Variants in PROSER1 observed in about 807,000 individuals in gnomAD.
The protein encoded by PROSER1 is proline and serine-rich protein 1.
Under a neutral mutation model 71.8 loss-of-function variants are expected in PROSER1, and 36 were observed. The observed-to-expected ratio is 0.50, with a 90% CI of 0.38 to 0.66. The LOEUF (loss-of-function observed/expected upper bound fraction) is 0.66, where lower values mean the gene tolerates loss of function less well. Ranked by LOEUF, PROSER1 falls within the 30% of genes least tolerant of loss-of-function variation. The pLI is 0.00. For missense variants in PROSER1, 1,107 were observed against 1,135.0 expected, an observed-to-expected ratio of 0.98 and a Z score of 0.35; for synonymous variants, 490 against 452.4, an observed-to-expected ratio of 1.08 and a Z score of -1.06.
At position 39,012,918 on chromosome 13, in the gene PROSER1, T is replaced by C. The variant is rs1250142030; in HGVS notation, c.2334A>G (p.Gln778=). ...AGGGATTTGAAGATGACAGAGGTCC[T>C]TGAGTAACAGAGAAAAGTGAGGGAA... ...TAVPSLFSVT[Q]GPLSSSNPSY... is the part of the protein sequence containing the mutation. The change falls in exon 11 of 13, where the codon CAA becomes CAG. Residue 778 remains glutamine (Q), a synonymous_variant. Transcript: ENST00000352251. The C allele has an allele frequency of 3.1e-6, 5 of 1,614,028 alleles. No homozygotes were observed. Among genetic ancestry groups the C allele is most frequent in the East Asian group, 4.5e-5 (2 of 44,862 alleles).
At chr13:39,034,278 T>G in intron 1 of PROSER1, 82 bp from the exon 2 acceptor site, 3 of 1,148,038 alleles carry the variant, frequency 2.6e-6, no homozygotes, top group Non-Finnish European at 3.6e-6. Flanking sequence ...CTATCAAAAC[T>G]GCCCAAGCAA....
At position 39,028,177 on chromosome 13, in the gene PROSER1, T is replaced by C. The variant is rs779797727; in HGVS notation, c.369+50A>G. The stretch of plus-strand genomic sequence containing the variant: ...AAGAAAGGTGCTTTTTCGTCTTCAA[T>C]ATTCGGAAAAACCAGCGTACCAAGT... On this transcript the variant is annotated intron_variant, in intron 5 of 12. Transcript: ENST00000352251. 15 of 994,482 alleles carry C rather than the reference T, an allele frequency of 1.5e-5. No homozygotes were observed. In the Admixed American group the frequency reaches 2.8e-4, roughly 19 times the overall value. 61.6% of individuals were successfully genotyped at this position (994,482 alleles called of 1,614,324 possible). A position where few individuals can be genotyped will look rare whatever the true frequency, so the allele number is the denominator to read the frequency against.
At chr13:39,017,088 A>C (rs1870041818) in intron 10 of PROSER1, among the ~76,000 whole-genome samples, 1 of 152,240 alleles carries the variant, frequency 6.6e-6, no homozygotes, top group South Asian at 2.1e-4. Context: ...AGATATGCTT[A>C]ATAATACTTA....
At chr13:39,026,689 T>C (rs975342196) in intron 5 of PROSER1, among the ~76,000 whole-genome samples, 24 of 152,190 alleles carry the variant, frequency 1.6e-4, no homozygotes, top group Admixed American at 1.1e-3. Context: ...TCCCATTTCT[T>C]CAACTAGCAA....
chr13:39,029,282 A>G lies in PROSER1; in HGVS notation c.274T>C (p.Ser92Pro), dbSNP rs1870713228. 8 of 1,129,050 alleles carry G rather than the reference A, an allele frequency of 7.1e-6. No individual in the cohort carries two copies. The highest frequency in any genetic ancestry group is 2.5e-5 in the Admixed American group (1 of 39,400). 69.9% of individuals were successfully genotyped at this position (1,129,050 alleles called of 1,614,324 possible). A position where few individuals can be genotyped will look rare whatever the true frequency, so the allele number is the denominator to read the frequency against. Residue 92 changes from serine to proline, a missense_variant and splice_region_variant, in exon 4 of 13, where the codon TCG becomes CCG. Physicochemically the swap from Ser to Pro is moderately conservative, Grantham distance 74. Coordinates refer to ENST00000352251, the MANE Select transcript of PROSER1 (RefSeq NM_025138.5). ...DKLVALELLA[S>P]NIIDAQNSRP... The stretch of plus-strand genomic sequence containing the variant: ...AAAAAAAAAAAAAGAAATACTTACG[A>G]GGCTAACAGTTCAAGAGCAACTAGT...
In PROSER1 at chr13:39,037,365, AAG is replaced by A. The variant is rs1871167603; in HGVS notation, c.-125_-124del. 1.3e-6 allele frequency: 1 copy of A among 748,114 alleles called. No individual in the cohort carries two copies. Among genetic ancestry groups the A allele is most frequent in the Non-Finnish European group, 2.4e-6 (1 of 424,552 alleles). 46.3% of individuals were successfully genotyped at this position (748,114 alleles called of 1,614,324 possible). On this transcript the variant is annotated 5_prime_UTR_variant, in exon 1 of 13. Transcript: ENST00000352251. ...TGAGGAGGAAAAAGACTCCACGAGC[AAG>A]AGAGGATGCGAAGAGGTAGAGAGTA...
Position 39,013,875 on chromosome 13 carries a change from G to A in PROSER1, c.1377C>T (p.Ala459=), listed in dbSNP as rs767589684. 29 of 1,614,048 alleles carry A rather than the reference G, an allele frequency of 1.8e-5. No homozygotes were observed. Among genetic ancestry groups the A allele is most frequent in the African/African-American group, 5.3e-5 (4 of 74,910 alleles). The change falls in exon 11 of 13, where the codon GCC becomes GCT. Residue 459 remains alanine (A), a synonymous_variant. Transcript: ENST00000352251. ...GAGGACTGTTCACACCAAGTGGACC[G>A]GCAACGCTGGGAGTAGAGCCACCAG... The part of the protein sequence containing the change: ...VIAGGSTPSV[A]GPLGVNSPLL...
Position 39,011,055 on chromosome 13 carries a change from T to C in PROSER1, c.*310A>G. 7.9e-6 allele frequency: 2 copies of C among 252,478 alleles called. No individual in the cohort carries two copies. Among genetic ancestry groups the C allele is most frequent in the Non-Finnish European group, 1.5e-5 (2 of 130,302 alleles). 15.6% of individuals were successfully genotyped at this position (252,478 alleles called of 1,614,324 possible). A position where few individuals can be genotyped will look rare whatever the true frequency, so the allele number is the denominator to read the frequency against. ...AAGGCTGTATTCGGCTATAAAGAGTTCAACCTACTCTTTAATATTCTTTCT... is the reference window on the plus strand; with the variant it reads ...AAGGCTGTATTCGGCTATAAAGAGTCCAACCTACTCTTTAATATTCTTTCT... On this transcript the variant is annotated 3_prime_UTR_variant, in exon 13 of 13. Coordinates refer to ENST00000352251, the MANE Select transcript of PROSER1 (RefSeq NM_025138.5).
intron 9 of PROSER1, among the ~76,000 whole-genome samples, chr13:39,020,507 T>C (rs993462177): frequency 6.6e-6 from 1 of 151,976 alleles, no homozygotes; most frequent in Non-Finnish European, 1.5e-5. Context: ...ACACTACAAA[T>C]CTGGTAGTAA....
rs751761535 is a variant in PROSER1, at chr13:39,012,094, A to G, written c.2701T>C (p.Leu901=). ...CCATTGCTGCTTACCTGCTGTAACAATGCTGACTGCGCAGCCGCATTATGC... is the reference window on the plus strand; with the variant it reads ...CCATTGCTGCTTACCTGCTGTAACAGTGCTGACTGCGCAGCCGCATTATGC... ...LQHNAAAQSA[L]LQQVHSASAL... is the part of the protein sequence containing the mutation. Residue 901 remains leucine (L), a synonymous_variant, in exon 12 of 13, where the codon TTG becomes CTG. Coordinates refer to ENST00000352251, the MANE Select transcript of PROSER1 (RefSeq NM_025138.5). The G allele has an allele frequency of 6.2e-7, 1 of 1,613,680 alleles. No individual in the cohort carries two copies. Among genetic ancestry groups the G allele is most frequent in the Non-Finnish European group, 8.5e-7 (1 of 1,179,896 alleles).
chr13:39,029,208 T>A lies in PROSER1; in HGVS notation c.275+73A>T, dbSNP rs115926096. The A allele has an allele frequency of 1.1e-3, 880 of 783,234 alleles. 12 individuals carry two copies. The African/African-American group carries it at 0.017, about 15-fold the overall frequency. 48.5% of individuals were successfully genotyped at this position (783,234 alleles called of 1,614,324 possible). A position where few individuals can be genotyped will look rare whatever the true frequency, so the allele number is the denominator to read the frequency against. On this transcript the variant is annotated intron_variant, in intron 4 of 12. Transcript: ENST00000352251. ...TTTTGTTAGACACATTAACACACACTAATTAGACACTTAAAACGCTTCTAC... is the reference window on the plus strand; with the variant it reads ...TTTTGTTAGACACATTAACACACACAAATTAGACACTTAAAACGCTTCTAC...
intron 1 of PROSER1, among the ~76,000 whole-genome samples, chr13:39,036,448 G>C (rs1247143019): frequency 6.6e-6 from 1 of 152,124 alleles, no homozygotes; most frequent in African/African-American, 2.4e-5. Context: ...TGCCCGGAAG[G>C]CCGAAGGAAA....
At chr13:39,036,439 G>A (rs1871108177) in intron 1 of PROSER1, among the ~76,000 whole-genome samples, 1 of 152,074 alleles carries the variant, frequency 6.6e-6, no homozygotes, top group South Asian at 2.1e-4. Flanking sequence ...AAGAATAATT[G>A]CCCGGAAGGC....
At chr13:39,031,847 G>C in intron 2 of PROSER1, 1 of 505,848 alleles carries the variant, frequency 2.0e-6, no homozygotes, top group Non-Finnish European at 3.5e-6. Context: ...CAGTTCCTTA[G>C]TGACACAAGC....
In PROSER1 at chr13:39,017,495, C is replaced by T. The variant is rs533038836; in HGVS notation, c.775+5G>A. The T allele has an allele frequency of 3.3e-6, 5 of 1,530,304 alleles. No homozygotes were observed. Among genetic ancestry groups the T allele is most frequent in the Non-Finnish European group, 4.5e-6 (5 of 1,112,480 alleles). The allele number at this position is 1,530,304 out of a possible 1,614,324, so 94.8% of individuals were successfully genotyped here. A position where few individuals can be genotyped will look rare whatever the true frequency, so the allele number is the denominator to read the frequency against. On this transcript the variant is annotated splice_donor_5th_base_variant and intron_variant, in intron 10 of 12. Coordinates refer to ENST00000352251, the MANE Select transcript of PROSER1 (RefSeq NM_025138.5). ...CGTTATCTCTGGATCAAATTTGCTA[C>T]TTACTTTGATTCTGTATAGGTTTTG...
At position 39,013,675 on chromosome 13, in the gene PROSER1, G is replaced by C. The variant is rs763636882; in HGVS notation, c.1577C>G (p.Thr526Ser). Reference sequence around the variant, plus strand: ...CCCTGGAGTGGAAGTCCTCTGTGGGGTAGGGATGGCTGATGGGGCATAGCA... The same window carrying C: ...CCCTGGAGTGGAAGTCCTCTGTGGGCTAGGGATGGCTGATGGGGCATAGCA... ...NKCYAPSAIPTPQRTSTPGLA... is the reference protein window; with the variant it reads ...NKCYAPSAIPSPQRTSTPGLA... The change falls in exon 11 of 13, where the codon ACC (threonine) becomes AGC (serine). Residue 526 changes from threonine to serine, a missense_variant. Coordinates refer to ENST00000352251, the MANE Select transcript of PROSER1 (RefSeq NM_025138.5). 1 of 1,614,082 alleles carries C rather than the reference G, an allele frequency of 6.2e-7. No individual in the cohort carries two copies. Among genetic ancestry groups the C allele is most frequent in the African/African-American group, 1.3e-5 (1 of 74,938 alleles).
chr13:39,024,494 T>C lies in PROSER1; in HGVS notation c.543A>G (p.Arg181=). Residue 181 remains arginine, a synonymous_variant, in exon 7 of 13, where the codon CGA becomes CGG. Transcript: ENST00000352251. ...ATACTGGTTTGGATGGCCCAAGAAT[T>C]CGTGCAGCTATTCCTTTGCCTTCGT... ...CTNEGKGIAA[R]ILGPSKPPPS... 8 of 1,611,852 alleles carry C rather than the reference T, an allele frequency of 5.0e-6. No individual in the cohort carries two copies. Among genetic ancestry groups the C allele is most frequent in the Non-Finnish European group, 5.1e-6 (6 of 1,178,702 alleles).
chr13:39,037,247 A>G lies in PROSER1; in HGVS notation c.-5T>C. On this transcript the variant is annotated 5_prime_UTR_variant, in exon 1 of 13. Coordinates refer to ENST00000352251, the MANE Select transcript of PROSER1 (RefSeq NM_025138.5). Reference sequence around the variant, plus strand: ...TTCAAAGGACTTTTTATCCATCTTGACTACTATCCCGACGTGGTTTTAACA... The same window carrying G: ...TTCAAAGGACTTTTTATCCATCTTGGCTACTATCCCGACGTGGTTTTAACA... The G allele has an allele frequency of 6.2e-7, 1 of 1,608,176 alleles. No individual in the cohort carries two copies. Among genetic ancestry groups the G allele is most frequent in the Admixed American group, 1.7e-5 (1 of 60,016 alleles).
intron 9 of PROSER1, among the ~76,000 whole-genome samples, chr13:39,018,635 CAAG>C (rs541072737): frequency 8.9e-4 from 134 of 151,010 alleles, no homozygotes; most frequent in African/African-American, 3.2e-3. Context: ...TGGTTGGAAA[CAAG>C]AAACAAATAT....
Sources: gnomAD v4.1 joint callset for allele counts (sites outside exome capture counted in the v4.1 genomes callset) on GRCh38, gnomAD v4.1.1 for gene constraint, MANE v1.5 for transcripts, NCBI Gene and HGNC (gene_info 2026-07-23, HGNC 2026-07-21) for gene names.